Variants in PAPSS2 observed in about 807,000 individuals in gnomAD.
PAPSS2 encodes the protein 3'-phosphoadenosine 5'-phosphosulfate synthase 2.
Under a neutral mutation model 66.5 loss-of-function variants are expected in PAPSS2, and 61 were observed. The observed-to-expected ratio is 0.92, with a 90% CI of 0.75 to 1.14. The LOEUF is 1.14. PAPSS2 is among the 50% of genes most tolerant of loss of function. The probability of loss-of-function intolerance (pLI) is 0.00; values close to 1 mark genes in which losing one functional copy is unlikely to be tolerated. For synonymous variants in PAPSS2, 289 were observed against 287.5 expected, an observed-to-expected ratio of 1.01 and a Z score of -0.05; for missense variants, 708 against 789.6, an observed-to-expected ratio of 0.90 and a Z score of 1.24.
chr10:87,670,352 T>C (rs936453088), intron 1 of PAPSS2, among the ~76,000 whole-genome samples: 11 of 152,226 alleles, frequency 7.2e-5, no homozygotes, highest in African/African-American at 2.7e-4. Flanking sequence ...AGGTCGACGC[T>C]TAAGGATGTT....
At chr10:87,665,968 CTT>C (rs11414496) in intron 1 of PAPSS2, among the ~76,000 whole-genome samples, 5 of 140,728 alleles carry the variant, frequency 3.6e-5, no homozygotes, top group Non-Finnish European at 3.1e-5. Flanking sequence ...ATTTTTTTTT[CTT>C]TTTTTTTTTT....
chr10:87,734,818 G>T (rs1853777482), intron 9 of PAPSS2, among the ~76,000 whole-genome samples: 1 of 150,018 alleles, frequency 6.7e-6, no homozygotes, highest in Non-Finnish European at 1.5e-5. Flanking sequence ...CCTTCTTTCT[G>T]GTTTCTTTCC....
At chr10:87,694,200 G>A (rs1252254913) in intron 1 of PAPSS2, among the ~76,000 whole-genome samples, 1 of 152,212 alleles carries the variant, frequency 6.6e-6, no homozygotes, top group Non-Finnish European at 1.5e-5. Context: ...AGTGGAGGCA[G>A]AATTTGAACT....
At chr10:87,734,687 A>ATATATATATG (rs1853774473) in intron 9 of PAPSS2, among the ~76,000 whole-genome samples, 1 of 125,888 alleles carries the variant, frequency 7.9e-6, no homozygotes, top group Non-Finnish European at 1.7e-5. Context: ...ATATATATAT[A>ATATATATATG]TATATATATA....
chr10:87,689,340 C>CAA (rs58947357), intron 1 of PAPSS2, among the ~76,000 whole-genome samples: 13 of 98,546 alleles, frequency 1.3e-4, no homozygotes, highest in Non-Finnish European at 2.3e-4. Flanking sequence ...AACTCCATCT[C>CAA]AAAAAAAAAA....
In PAPSS2 at chr10:87,681,721, C is replaced by T. The variant is rs992903298; in HGVS notation, c.27+21713C>T. ...TCATTCCCATTCCTACTCCAAGTTC[C>T]GAGAAGCTACCAGTCTACTTTCTGT... On this transcript the variant is annotated intron_variant, in intron 1 of 12. Coordinates refer to ENST00000456849, the MANE Select transcript of PAPSS2 (RefSeq NM_001015880.2). Among the ~76,000 whole-genome samples, 13 of 152,166 alleles carry T rather than the reference C, an allele frequency of 8.5e-5. No homozygotes were observed. The East Asian group carries it at 1.2e-3, about 14-fold the overall frequency.
chr10:87,729,133 G>A (rs1178691101), intron 9 of PAPSS2, among the ~76,000 whole-genome samples: 1 of 151,794 alleles, frequency 6.6e-6, no homozygotes, highest in Non-Finnish European at 1.5e-5. Context: ...GCATACACAT[G>A]ACTAGCACTA....
At chr10:87,680,001 C>A (rs1782802572) in intron 1 of PAPSS2, among the ~76,000 whole-genome samples, 1 of 149,974 alleles carries the variant, frequency 6.7e-6, no homozygotes, top group South Asian at 2.1e-4. Context: ...TGCGCTCCAG[C>A]CTGAGCAACA....
chr10:87,720,424 T>TA lies in PAPSS2; in HGVS notation c.866-1327dup, dbSNP rs1853580233. On this transcript the variant is annotated intron_variant, in intron 7 of 12. Transcript: ENST00000456849. Reference sequence around the variant, plus strand: ...GGACTGAGGAGACAGAGTTAAATTGTAAAAAGTGATTTATTTCTATGTCAG... The same window carrying TA: ...GGACTGAGGAGACAGAGTTAAATTGTAAAAAAGTGATTTATTTCTATGTCAG... Among the ~76,000 whole-genome samples, 9 of 152,266 alleles carry TA rather than the reference T, an allele frequency of 5.9e-5. No individual in the cohort carries two copies. In the South Asian group the frequency reaches 1.9e-3, roughly 32 times the overall value.
At chr10:87,713,904 G>T in intron 3 of PAPSS2, 140 bp from the exon 4 acceptor site, 1 of 833,724 alleles carries the variant, frequency 1.2e-6, no homozygotes, top group Non-Finnish European at 2.0e-6. Flanking sequence ...TAAAATTTCT[G>T]GACTTTCTCT....
chr10:87,713,490 A>T (rs1387415258), intron 3 of PAPSS2, among the ~76,000 whole-genome samples, 180 bp downstream of exon 3: 1 of 152,070 alleles, frequency 6.6e-6, no homozygotes, highest in Non-Finnish European at 1.5e-5. Context: ...AATATTGGTT[A>T]TATAAAGGAG....
chr10:87,679,895 G>A (rs988121019), intron 1 of PAPSS2, among the ~76,000 whole-genome samples: 2 of 151,888 alleles, frequency 1.3e-5, no homozygotes, highest in African/African-American at 4.8e-5. Flanking sequence ...GTATGGTGGT[G>A]CGTGCCTGTA....
chr10:87,687,545 GT>G (rs1214439100), intron 1 of PAPSS2, among the ~76,000 whole-genome samples: 56 of 152,336 alleles, frequency 3.7e-4, no homozygotes, highest in African/African-American at 1.3e-3. Flanking sequence ...GAAATAGAGA[GT>G]AGAATAGTGG....
chr10:87,717,447 G>C (rs1318863369), intron 7 of PAPSS2, among the ~76,000 whole-genome samples: 1 of 152,108 alleles, frequency 6.6e-6, no homozygotes, highest in African/African-American at 2.4e-5. Flanking sequence ...AGGACTTCAG[G>C]GTGGGCTAAC....
chr10:87,741,635 TC>T (rs1853871538), intron 10 of PAPSS2, among the ~76,000 whole-genome samples: 1 of 152,182 alleles, frequency 6.6e-6, no homozygotes, highest in African/African-American at 2.4e-5. Flanking sequence ...CCTCAGGTGA[TC>T]CCCCTACCTT....
At chr10:87,693,878 G>A (rs1853200926) in intron 1 of PAPSS2, among the ~76,000 whole-genome samples, 1 of 152,216 alleles carries the variant, frequency 6.6e-6, no homozygotes, top group South Asian at 2.1e-4. Flanking sequence ...GAAGAAGACA[G>A]GTCACAGCAG....
intron 7 of PAPSS2, among the ~76,000 whole-genome samples, chr10:87,720,395 G>A (rs1365951362): frequency 6.6e-6 from 1 of 152,164 alleles, no homozygotes; most frequent in African/African-American, 2.4e-5. Context: ...ACCTGATGGC[G>A]TTTGGACTGA....
At chr10:87,662,618 T>C (rs1980649) in intron 1 of PAPSS2, among the ~76,000 whole-genome samples, 96,624 of 145,788 alleles carry the variant, frequency 0.66, 31,730 homozygotes, top group East Asian at 0.92. Flanking sequence ...AGACTGCCTC[T>C]AGGGGACTGG....
At chr10:87,727,024 A>G (rs1301313711) in intron 8 of PAPSS2, among the ~76,000 whole-genome samples, 1 of 152,240 alleles carries the variant, frequency 6.6e-6, no homozygotes, top group East Asian at 1.9e-4. Flanking sequence ...TTCCAAAGTT[A>G]GATCACTTAT....
Sources: allele counts gnomAD v4.1 joint callset (sites outside exome capture counted in the v4.1 genomes callset), GRCh38; gene constraint gnomAD v4.1.1; transcripts MANE v1.5; gene names NCBI Gene and HGNC (gene_info 2026-07-23, HGNC 2026-07-21).